RANBP9: variants seen among roughly 807,000 people sequenced by gnomAD.
The protein encoded by RANBP9 is ran-binding protein 9.
Under a neutral mutation model 84.3 loss-of-function variants are expected in RANBP9, and 15 were observed. That is an observed-to-expected ratio of 0.18 (90% CI 0.12 to 0.27). The LOEUF is 0.27. Among genes scored for constraint, RANBP9 ranks in the 10% least tolerant of loss-of-function variants. The pLI, the probability that RANBP9 is intolerant of heterozygous loss-of-function variation, is 1.00. For missense variants in RANBP9, 809 were observed against 912.8 expected, an observed-to-expected ratio of 0.89 and a Z score of 1.46; for synonymous variants, 392 against 349.6, an observed-to-expected ratio of 1.12 and a Z score of -1.35.
rs1268442661 is a variant in RANBP9, at chr6:13,711,262, G to A, written c.244C>T (p.Pro82Ser). ...GGCGGGGGCGGCGGCGGGGGCGGCG[G>A]GGCCGCGGTGGCCGGGGGCGGCGGC... is the stretch of plus-strand genomic sequence containing the variant. ...PPPPPPATAA[P>S]PPPPPPPPPP... Residue 82 changes from proline to serine, a missense_variant, in exon 1 of 14, where the codon CCG (proline) becomes TCG (serine). This residue lies in a region of RANBP9 where 302 missense variants were observed against 240.1 expected (regional missense o/e 1.26). Coordinates refer to ENST00000011619, the MANE Select transcript of RANBP9 (RefSeq NM_005493.3). 5.4e-5 allele frequency: 53 copies of A among 983,566 alleles called. No individual in the cohort carries two copies. In the South Asian group the frequency reaches 2.0e-3, roughly 37 times the overall value. The allele number at this position is 983,566 out of a possible 1,614,324, so 60.9% of individuals were successfully genotyped here. A position where few individuals can be genotyped will look rare whatever the true frequency, so the allele number is the denominator to read the frequency against.
At chr6:13,644,759 T>C (rs904806723) in intron 5 of RANBP9, 30 bp from the exon 6 acceptor site, 1 of 1,453,424 alleles carries the variant, frequency 6.9e-7, no homozygotes, top group African/African-American at 1.4e-5. Flanking sequence ...ATTAAACATC[T>C]ATCCATTTTA....
chr6:13,629,502 G>A (rs559845621), intron 12 of RANBP9, among the ~76,000 whole-genome samples: 12 of 152,184 alleles, frequency 7.9e-5, no homozygotes, highest in Non-Finnish European at 1.2e-4. Context: ...TGAGGGAAAT[G>A]TGACATCATT....
chr6:13,711,399 G>T lies in RANBP9; in HGVS notation c.107C>A (p.Pro36Gln), dbSNP rs954450853. 1.4e-5 allele frequency: 16 copies of T among 1,181,694 alleles called. No homozygotes were observed. Among genetic ancestry groups the T allele is most frequent in the Non-Finnish European group, 1.7e-5 (16 of 955,974 alleles). The allele number at this position is 1,181,694 out of a possible 1,614,324, so 73.2% of individuals were successfully genotyped here. A position where few individuals can be genotyped will look rare whatever the true frequency, so the allele number is the denominator to read the frequency against. The change falls in exon 1 of 14, where the codon CCG becomes CAG. Residue 36 changes from proline to glutamine, a missense_variant. Around this residue, in one of 5 missense-constraint regions of RANBP9, gnomAD observed 302 missense variants for 240.1 expected, o/e 1.26. Coordinates refer to ENST00000011619, the MANE Select transcript of RANBP9 (RefSeq NM_005493.3). The part of the protein sequence containing the change: ...ALAPVSGVVL[P>Q]APPAVSAGSS... The stretch of plus-strand genomic sequence containing the variant: ...GCCGGCGCTGACGGCCGGGGGCGCC[G>T]GCAGGACGACTCCGGAGACTGGGGC...
intron 12 of RANBP9, among the ~76,000 whole-genome samples, chr6:13,629,915 C>CG (rs1465606638): frequency 0.013 from 1,634 of 126,324 alleles, 19 homozygotes; most frequent in South Asian, 0.017. Flanking sequence ...CTCTCTCTCT[C>CG]TCTCTCGTGT....
chr6:13,633,926 TA>T (rs1470756710), intron 11 of RANBP9, among the ~76,000 whole-genome samples: 1 of 115,674 alleles, frequency 8.6e-6, no homozygotes. Flanking sequence ...TGGAGCCACA[TA>T]ATTTTTTTGT....
chr6:13,631,702 TG>T (rs1476232341), intron 12 of RANBP9, among the ~76,000 whole-genome samples: 3 of 152,184 alleles, frequency 2.0e-5, no homozygotes, highest in Non-Finnish European at 4.4e-5. Context: ...ATGAACCAAC[TG>T]TTAAAGAGCT....
At chr6:13,691,029 C>T (rs1274968406) in intron 2 of RANBP9, among the ~76,000 whole-genome samples, 1 of 151,766 alleles carries the variant, frequency 6.6e-6, no homozygotes. Context: ...TAGCTGGGTG[C>T]GGTGGGGCAT....
At chr6:13,657,372 A>G (rs1236504208) in intron 3 of RANBP9, 96 bp from the exon 4 acceptor site, 12 of 949,000 alleles carry the variant, frequency 1.3e-5, no homozygotes, top group Non-Finnish European at 1.6e-5. Flanking sequence ...ACAGTACAAG[A>G]TAATATAAAG....
intron 10 of RANBP9, among the ~76,000 whole-genome samples, chr6:13,635,574 T>G (rs1167158467): frequency 1.3e-5 from 2 of 149,866 alleles, no homozygotes; most frequent in African/African-American, 4.9e-5. Context: ...ACCTTGGGGG[T>G]GTGTGTGTGC....
intron 2 of RANBP9, among the ~76,000 whole-genome samples, chr6:13,665,334 A>G (rs914880768): frequency 2.0e-5 from 3 of 152,178 alleles, no homozygotes; most frequent in Non-Finnish European, 4.4e-5. Flanking sequence ...AAAGGTCTGA[A>G]TAGATATTTC....
At chr6:13,684,662 T>C (rs1228346136) in intron 2 of RANBP9, among the ~76,000 whole-genome samples, 1 of 152,242 alleles carries the variant, frequency 6.6e-6, no homozygotes, top group East Asian at 1.9e-4. Flanking sequence ...TAAATATCTA[T>C]GTGTAGGATG....
At chr6:13,629,184 C>T (rs569941200) in intron 12 of RANBP9, among the ~76,000 whole-genome samples, 68 of 152,286 alleles carry the variant, frequency 4.5e-4, no homozygotes, top group African/African-American at 1.5e-3. Context: ...AATCACAGCT[C>T]ACTGCAGCCT....
chr6:13,708,743 G>A (rs946407785), intron 1 of RANBP9, among the ~76,000 whole-genome samples: 8 of 151,674 alleles, frequency 5.3e-5, no homozygotes, highest in Non-Finnish European at 7.4e-5. Flanking sequence ...TACTGCTACT[G>A]GGACACAGTT....
Position 13,711,164 on chromosome 6 carries a change from C to A in RANBP9, c.342G>T (p.Pro114=), listed in dbSNP as rs540550996. 4.8e-5 allele frequency: 68 copies of A among 1,412,214 alleles called. No homozygotes were observed. The African/African-American group carries it at 1.0e-3, about 21-fold the overall frequency. 87.5% of individuals were successfully genotyped at this position (1,412,214 alleles called of 1,614,324 possible). A position where few individuals can be genotyped will look rare whatever the true frequency, so the allele number is the denominator to read the frequency against. Residue 114 remains proline, a synonymous_variant, in exon 1 of 14, where the codon CCG becomes CCT. Transcript: ENST00000011619. ...GAGCTGGGGTCGGGGCTCCTCCAGCCGGGCCGGGGCCCGCTGCAAGGCCCG... is the reference window on the plus strand; with the variant it reads ...GAGCTGGGGTCGGGGCTCCTCCAGCAGGGCCGGGGCCCGCTGCAAGGCCCG... ...APPGLAAGPG[P]AGGAPTPALV...
At chr6:13,646,798 C>A (rs183754280) in intron 5 of RANBP9, among the ~76,000 whole-genome samples, 10 of 151,714 alleles carry the variant, frequency 6.6e-5, no homozygotes, top group Admixed American at 3.9e-4. Flanking sequence ...TTTACAAATA[C>A]AGAAAAAATT....
intron 13 of RANBP9, among the ~76,000 whole-genome samples, chr6:13,623,145 G>C (rs1033581254): frequency 6.6e-6 from 1 of 152,116 alleles, no homozygotes; most frequent in East Asian, 1.9e-4. Context: ...TCAGACATTT[G>C]TAGTACAAAT....
In RANBP9 at chr6:13,632,390, C is replaced by T. The variant is rs1338845974; in HGVS notation, c.1927G>A (p.Ala643Thr). Residue 643 changes from alanine to threonine, a missense_variant, in exon 12 of 14, where the codon GCA becomes ACA. Ala to Thr is a moderately conservative substitution (Grantham distance 58). This residue lies in a region of RANBP9 where 233 missense variants were observed against 234.4 expected (regional missense o/e 0.99). Transcript: ENST00000011619. ...QLRRDCGKNT[A>T]NKKMLKDAFS... The stretch of plus-strand genomic sequence containing the variant: ...TTCACCTTCAACATTTTTTTGTTTG[C>T]AGTGTTCTTGCCACAGTCTCTCCTT... 3.7e-6 allele frequency: 6 copies of T among 1,605,214 alleles called. No homozygotes were observed. Among genetic ancestry groups the T allele is most frequent in the Non-Finnish European group, 4.2e-6 (5 of 1,177,238 alleles).
In RANBP9 at chr6:13,711,017, C is replaced by T. The variant is rs1308646791; in HGVS notation, c.489G>A (p.Thr163=). The T allele has an allele frequency of 6.2e-7, 1 of 1,605,540 alleles. No individual in the cohort carries two copies. Among genetic ancestry groups the T allele is most frequent in the Non-Finnish European group, 8.5e-7 (1 of 1,176,522 alleles). The change falls in exon 1 of 14, where the codon ACG becomes ACA. Residue 163 remains threonine (T), a synonymous_variant. Transcript: ENST00000011619. ...TCGGGCTCCAGGACCGAGGCAGCGG[C>T]GTCTCTTGTTCGTCCACGGCCGGGT... is the stretch of plus-strand genomic sequence containing the variant. ...RLYPAVDEQE[T]PLPRSWSPKD...
At chr6:13,705,993 C>A (rs2113371444) in intron 1 of RANBP9, among the ~76,000 whole-genome samples, 1 of 151,844 alleles carries the variant, frequency 6.6e-6, no homozygotes, top group African/African-American at 2.4e-5. Flanking sequence ...ATTAGATAAG[C>A]AATTATATTT....
Sources: allele counts gnomAD v4.1 joint callset (sites outside exome capture counted in the v4.1 genomes callset), GRCh38; gene constraint gnomAD v4.1.1; regional missense constraint gnomAD v4.1.1; transcripts MANE v1.5; gene names NCBI Gene and HGNC (gene_info 2026-07-23, HGNC 2026-07-21).